The following PARD3 variants were observed in gnomAD, a reference collection of about 807,000 sequenced individuals.
PARD3 encodes the protein partitioning defective 3 homolog.
In PARD3, 75 loss-of-function variants were observed where a neutral mutation model predicts 155.4. The ratio of observed to expected loss-of-function variants is 0.48; its 90% CI spans 0.40 to 0.58. The LOEUF (loss-of-function observed/expected upper bound fraction) is 0.58, where lower values mean the gene tolerates loss of function less well. PARD3 is among the 20% of genes least tolerant of loss of function. The pLI is 0.00. For synonymous variants in PARD3, 576 were observed against 610.5 expected, an observed-to-expected ratio of 0.94 and a Z score of 0.83; for missense variants, 1,642 against 1,721.7, an observed-to-expected ratio of 0.95 and a Z score of 0.82.
intron 9 of PARD3, among the ~76,000 whole-genome samples, chr10:34,380,154 T>C (rs900062561): frequency 1.3e-5 from 2 of 152,138 alleles, no homozygotes; most frequent in Admixed American, 6.5e-5. Context: ...TATATGCATT[T>C]AGTCCTAATC....
chr10:34,721,432 G>T (rs1452928227), intron 1 of PARD3, among the ~76,000 whole-genome samples: 2 of 152,202 alleles, frequency 1.3e-5, no homozygotes, highest in African/African-American at 4.8e-5. Flanking sequence ...CACAGGGTGT[G>T]CCTGGGCAGC....
rs541024169 is a variant in PARD3 at position 34,202,209 on chromosome 10, A to G, written c.3419+67448T>C. On this transcript the variant is annotated intron_variant, in intron 22 of 24. Transcript: ENST00000374788. Reference sequence around the variant, plus strand: ...CTGCCTCAGCCTCCTGTGTAGTGGAATTACAGGCACATACCATAATACCCG... The same window carrying G: ...CTGCCTCAGCCTCCTGTGTAGTGGAGTTACAGGCACATACCATAATACCCG... The G allele has an allele frequency of 3.9e-5, 6 of 152,266 alleles. No individual in the cohort carries two copies. In the East Asian group the frequency reaches 1.2e-3, roughly 29 times the overall value. The allele number at this position is 152,266 out of a possible 1,614,324, so 9.4% of individuals were successfully genotyped here. A position where few individuals can be genotyped will look rare whatever the true frequency, so the allele number is the denominator to read the frequency against.
chr10:34,636,606 C>G (rs2092485147), intron 2 of PARD3, among the ~76,000 whole-genome samples: 1 of 152,212 alleles, frequency 6.6e-6, no homozygotes. Flanking sequence ...AACCATGATG[C>G]TTACGATGGT....
intron 21 of PARD3, among the ~76,000 whole-genome samples, chr10:34,270,327 G>A (rs1331593705): frequency 6.6e-6 from 1 of 151,986 alleles, no homozygotes; most frequent in Non-Finnish European, 1.5e-5. Flanking sequence ...ATTTTCAGTA[G>A]AGATGGGGTT....
chr10:34,345,221 C>CT (rs1185551169), intron 15 of PARD3: 1 of 984,412 alleles, frequency 1.0e-6, no homozygotes, highest in East Asian at 1.1e-4. Flanking sequence ...GAAAGTGTGA[C>CT]TGATGACATC....
intron 2 of PARD3, among the ~76,000 whole-genome samples, chr10:34,558,628 A>G (rs1025462729): frequency 1.3e-5 from 2 of 152,112 alleles, no homozygotes; most frequent in Non-Finnish European, 2.9e-5. Context: ...CCAATTATTA[A>G]TTACATAAAT....
intron 22 of PARD3, among the ~76,000 whole-genome samples, chr10:34,162,394 A>G (rs1949328028): frequency 6.6e-6 from 1 of 152,082 alleles, no homozygotes. Context: ...ATTCTATTCC[A>G]CTCACTCTTC....
intron 2 of PARD3, among the ~76,000 whole-genome samples, chr10:34,639,563 A>G (rs374253225): frequency 6.6e-6 from 1 of 152,108 alleles, no homozygotes. Flanking sequence ...TAAATTACAA[A>G]ACACGGAAAA....
chr10:34,568,056 G>A (rs1410410895), intron 2 of PARD3, among the ~76,000 whole-genome samples: 1 of 152,192 alleles, frequency 6.6e-6, no homozygotes, highest in African/African-American at 2.4e-5. Flanking sequence ...TTCCTGTGGG[G>A]TAATCGAATA....
chr10:34,415,983 T>C (rs1564688924), intron 5 of PARD3, among the ~76,000 whole-genome samples: 2 of 152,180 alleles, frequency 1.3e-5, no homozygotes, highest in African/African-American at 4.8e-5. Flanking sequence ...AAAGCCTTCA[T>C]GAATCTGCCA....
intron 1 of PARD3, among the ~76,000 whole-genome samples, chr10:34,716,597 T>TTC (rs1267530901): frequency 1.4e-5 from 2 of 143,232 alleles, no homozygotes; most frequent in Non-Finnish European, 3.1e-5. Context: ...TTTTTTTTTT[T>TTC]TTTTTTTTTT....
intron 1 of PARD3, among the ~76,000 whole-genome samples, chr10:34,741,581 C>T (rs955756243): frequency 2.0e-5 from 3 of 152,134 alleles, no homozygotes; most frequent in African/African-American, 4.8e-5. Flanking sequence ...CATGCAGAAG[C>T]GACAGCCCCT....
In PARD3 at chr10:34,666,777, T is replaced by TCAAA. The variant is rs1554804561; in HGVS notation, c.222+29540_222+29541insTTTG. Among the ~76,000 whole-genome samples the TCAAA allele has an allele frequency of 6.3e-3, 108 of 17,038 alleles. 6 individuals are homozygous for TCAAA. Among genetic ancestry groups the TCAAA allele is most frequent in the African/African-American group, 0.011 (77 of 7,028 alleles). The allele number at this position is 17,038 out of a possible 152,430, so 11.2% of individuals were successfully genotyped here. ...CTTCCACCTCACCTACCCCTCCCCC[T>TCAAA]AAAAAAAAAAAAAAAAAAAATATAT... is the stretch of plus-strand genomic sequence containing the variant. On this transcript the variant is annotated intron_variant, in intron 2 of 24. Transcript: ENST00000374788.
chr10:34,754,665 C>T (rs1175504336), intron 1 of PARD3, among the ~76,000 whole-genome samples: 1 of 152,114 alleles, frequency 6.6e-6, no homozygotes, highest in Non-Finnish European at 1.5e-5. Flanking sequence ...TGTAAAAATT[C>T]CAGGCTTCTC....
rs202204258 is a variant in PARD3, at chr10:34,111,566, G to C, written c.3669-4C>G. 2.5e-6 allele frequency: 4 copies of C among 1,590,652 alleles called. No homozygotes were observed. The Admixed American group carries it at 6.9e-5, about 27-fold the overall frequency. On this transcript the variant is annotated splice_region_variant and splice_polypyrimidine_tract_variant and intron_variant, in intron 24 of 24. Transcript: ENST00000374788. ...GCTGGCATTTTTCCTGCTTTGCCTA[G>C]AAAGCAAAACCCAAAGGTTAGTGTG...
At chr10:34,791,681 C>G (rs1841639601) in intron 1 of PARD3, among the ~76,000 whole-genome samples, 2 of 151,962 alleles carry the variant, frequency 1.3e-5, no homozygotes, top group African/African-American at 4.8e-5. Flanking sequence ...TTCAAAACCC[C>G]ATCTCTACAA....
chr10:34,466,690 A>C (rs2078027750), intron 4 of PARD3, among the ~76,000 whole-genome samples: 1 of 152,138 alleles, frequency 6.6e-6, no homozygotes, highest in Non-Finnish European at 1.5e-5. Flanking sequence ...AAAGCATGAG[A>C]CCATAGGTAA....
intron 2 of PARD3, among the ~76,000 whole-genome samples, chr10:34,541,473 A>T (rs1022948145): frequency 6.6e-6 from 1 of 152,248 alleles, no homozygotes; most frequent in Admixed American, 6.5e-5. Flanking sequence ...TTCTGAATTC[A>T]TAGGCAGCCT....
At chr10:34,342,231 C>T (rs1836904757) in intron 15 of PARD3, among the ~76,000 whole-genome samples, 1 of 152,242 alleles carries the variant, frequency 6.6e-6, no homozygotes, top group Non-Finnish European at 1.5e-5. Context: ...TGCTGCAGAG[C>T]AGGTACTGCA....
Sources: gnomAD v4.1 joint callset for allele counts (sites outside exome capture counted in the v4.1 genomes callset) on GRCh38, gnomAD v4.1.1 for gene constraint, MANE v1.5 for transcripts, NCBI Gene and HGNC (gene_info 2026-07-23, HGNC 2026-07-21) for gene names.